Variants in FILIP1 observed in about 807,000 individuals in gnomAD.
FILIP1 encodes the protein filamin-A-interacting protein 1.
FILIP1 carries 61 observed loss-of-function variants against 102.1 expected under a neutral mutation model. The ratio of observed to expected loss-of-function variants is 0.60; its 90% CI spans 0.49 to 0.74. The LOEUF (loss-of-function observed/expected upper bound fraction) is 0.74, where lower values mean the gene tolerates loss of function less well. Ranked by LOEUF, FILIP1 falls within the 30% of genes least tolerant of loss-of-function variation. The pLI, the probability that FILIP1 is intolerant of heterozygous loss-of-function variation, is 0.00. For synonymous variants in FILIP1, 491 were observed against 526.9 expected (o/e 0.93, Z 0.93); for missense variants, 1,314 against 1,441.2 (o/e 0.91, Z 1.43).
At chr6:75,317,078 G>A (rs935706913) in intron 4 of FILIP1, among the ~76,000 whole-genome samples, 1 of 152,158 alleles carries the variant, frequency 6.6e-6, no homozygotes, top group African/African-American at 2.4e-5. Context: ...TAGAGGCAGT[G>A]GATTGGAGTG....
At chr6:75,304,834 T>C (rs1401873486), downstream of FILIP1, among the ~76,000 whole-genome samples, 2 of 152,172 alleles carry the variant, frequency 1.3e-5, no homozygotes, top group African/African-American at 4.8e-5. Context: ...GTAAGGAACA[T>C]CTGTTTTCAT....
At chr6:75,441,889 C>T (rs1310488357) in intron 1 of FILIP1, among the ~76,000 whole-genome samples, 25 of 146,652 alleles carry the variant, frequency 1.7e-4, no homozygotes, top group Admixed American at 8.7e-4. Flanking sequence ...GGGGGGTAGA[C>T]CCCCCCACCT....
At position 75,461,843 on chromosome 6, in the gene FILIP1, C is replaced by T. The variant is rs533780717; in HGVS notation, c.-7+31571G>A. On this transcript the variant is annotated intron_variant, in intron 1 of 5. Coordinates refer to ENST00000237172, the MANE Select transcript of FILIP1 (RefSeq NM_015687.5). ...GCGAAGTGTGTGCATGCAACACAGG[C>T]GCTTAGGAGAAGAGAGGATGGGGTG... 3.6e-4 allele frequency among the ~76,000 whole-genome samples: 55 copies of T among 152,178 alleles called. 2 individuals are homozygous for T. The South Asian group carries it at 0.01, about 29-fold the overall frequency.
intron 4 of FILIP1, among the ~76,000 whole-genome samples, chr6:75,342,519 G>C (rs1010944036): frequency 1.3e-5 from 2 of 152,346 alleles, no homozygotes; most frequent in African/African-American, 4.8e-5. Flanking sequence ...TTACGGGTAT[G>C]CTCACCCAAG....
chr6:75,315,325 G>C, intron 4 of FILIP1, 123 bp from the exon 5 acceptor site: 1 of 632,552 alleles, frequency 1.6e-6, no homozygotes, highest in Non-Finnish European at 2.5e-6. Context: ...TAATTTCAAT[G>C]TTTAAAGAAT....
chr6:75,436,161 T>C (rs2149713814), intron 1 of FILIP1, among the ~76,000 whole-genome samples: 1 of 151,892 alleles, frequency 6.6e-6, no homozygotes, highest in African/African-American at 2.4e-5. Context: ...TCACTTGAAC[T>C]CAGGAGTTCA....
At chr6:75,297,655 A>C (rs1772719554) in intron 6 of FILIP1, among the ~76,000 whole-genome samples, 1 of 152,208 alleles carries the variant, frequency 6.6e-6, no homozygotes, top group Admixed American at 6.5e-5. Flanking sequence ...AATTTTAAGT[A>C]CTAATTAATA....
downstream of FILIP1, among the ~76,000 whole-genome samples, chr6:75,306,380 C>A (rs1039096135): frequency 2.6e-4 from 39 of 152,184 alleles, no homozygotes; most frequent in African/African-American, 7.0e-4. Context: ...CAGCAGCAAG[C>A]GGCAATAAGA....
chr6:75,334,153 A>C (rs1226079425), intron 4 of FILIP1, among the ~76,000 whole-genome samples: 1 of 152,214 alleles, frequency 6.6e-6, no homozygotes, highest in Non-Finnish European at 1.5e-5. Flanking sequence ...ACACTAGAAG[A>C]TACATTTACA....
At chr6:75,438,119 G>T (rs939080664) in intron 1 of FILIP1, among the ~76,000 whole-genome samples, 4 of 152,210 alleles carry the variant, frequency 2.6e-5, no homozygotes, top group African/African-American at 9.6e-5. Context: ...TTCAGGCTAT[G>T]CTTATTCCAG....
chr6:75,462,538 G>T (rs574135803), intron 1 of FILIP1, among the ~76,000 whole-genome samples: 2 of 151,866 alleles, frequency 1.3e-5, no homozygotes, highest in African/African-American at 4.8e-5. Context: ...TGCAAATAAG[G>T]TTAAATCTTA....
intron 4 of FILIP1, among the ~76,000 whole-genome samples, chr6:75,333,495 A>G (rs1774144765): frequency 1.3e-5 from 2 of 152,164 alleles, no homozygotes; most frequent in Admixed American, 1.3e-4. Context: ...GTCACATGGA[A>G]TTAAGAATCC....
chr6:75,371,459 C>T (rs1248188407), intron 2 of FILIP1, among the ~76,000 whole-genome samples: 1 of 151,978 alleles, frequency 6.6e-6, no homozygotes, highest in African/African-American at 2.4e-5. Context: ...TATGACTTTG[C>T]AGAAATAGAA....
chr6:75,407,584 A>G (rs940902294), intron 2 of FILIP1, among the ~76,000 whole-genome samples: 2 of 152,176 alleles, frequency 1.3e-5, no homozygotes, highest in East Asian at 3.9e-4. Context: ...GAATGAAGAG[A>G]GAGTCATTCT....
At chr6:75,405,466 A>G (rs1038169722) in intron 2 of FILIP1, among the ~76,000 whole-genome samples, 2 of 152,186 alleles carry the variant, frequency 1.3e-5, no homozygotes, top group Admixed American at 6.5e-5. Context: ...AAAAAAAAAC[A>G]TAAAGTTTTT....
chr6:75,465,234 G>A (rs2998368), intron 1 of FILIP1: 3,336 of 225,588 alleles, frequency 0.015, 120 homozygotes, highest in African/African-American at 0.072. Context: ...AGTTAACTGC[G>A]GTCTAGAAGA....
intron 3 of FILIP1, among the ~76,000 whole-genome samples, chr6:75,354,072 G>A (rs1323153870): frequency 6.6e-6 from 1 of 151,994 alleles, no homozygotes; most frequent in East Asian, 1.9e-4. Context: ...ATGCTGTTCT[G>A]AATATTCTAA....
chr6:75,324,771 G>A (rs557466190), intron 4 of FILIP1, among the ~76,000 whole-genome samples: 6 of 152,198 alleles, frequency 3.9e-5, no homozygotes, highest in African/African-American at 9.6e-5. Context: ...TAGAGAACCT[G>A]GAAATAAAGC....
At chr6:75,436,183 G>A (rs1194816238) in intron 1 of FILIP1, among the ~76,000 whole-genome samples, 1 of 152,078 alleles carries the variant, frequency 6.6e-6, no homozygotes, top group Middle Eastern at 3.4e-3. Context: ...GACCATCCTG[G>A]ACAACATGGT....
Sources: gnomAD v4.1 joint callset for allele counts (sites outside exome capture counted in the v4.1 genomes callset) on GRCh38, gnomAD v4.1.1 for gene constraint, MANE v1.5 for transcripts, NCBI Gene and HGNC (gene_info 2026-07-23, HGNC 2026-07-21) for gene names.